The following DCLK1 variants were observed in gnomAD, a reference collection of about 807,000 sequenced individuals.
DCLK1 encodes the protein serine/threonine-protein kinase DCLK1.
DCLK1 carries 16 observed loss-of-function variants against 86.2 expected under a neutral mutation model. The ratio of observed to expected loss-of-function variants is 0.19; its 90% CI spans 0.13 to 0.28. The LOEUF is 0.28. DCLK1 is among the 10% of genes least tolerant of loss of function. The pLI, the probability that DCLK1 is intolerant of heterozygous loss-of-function variation, is 1.00. For missense variants in DCLK1, 590 were observed against 940.2 expected, an observed-to-expected ratio of 0.63 and a Z score of 4.87; for synonymous variants, 369 against 370.5, an observed-to-expected ratio of 1.00 and a Z score of 0.05.
chr13:35,909,452 C>T (rs1480650957), intron 4 of DCLK1, among the ~76,000 whole-genome samples: 2 of 152,118 alleles, frequency 1.3e-5, no homozygotes, highest in Non-Finnish European at 2.9e-5. Flanking sequence ...CTTACTTTGC[C>T]TCTCTAAGAC....
chr13:35,963,298 A>G (rs1371257678), intron 3 of DCLK1, among the ~76,000 whole-genome samples: 1 of 152,256 alleles, frequency 6.6e-6, no homozygotes, highest in Non-Finnish European at 1.5e-5. Flanking sequence ...CGCTTGAGAC[A>G]CTAAAAACCA....
intron 4 of DCLK1, among the ~76,000 whole-genome samples, chr13:35,934,540 C>T (rs1398365663): frequency 2.0e-5 from 3 of 152,178 alleles, no homozygotes; most frequent in Non-Finnish European, 4.4e-5. Context: ...GCAGAAACCC[C>T]TGGTAAAACC....
chr13:35,933,747 G>C (rs1209912016), intron 4 of DCLK1, among the ~76,000 whole-genome samples: 4 of 152,278 alleles, frequency 2.6e-5, no homozygotes, highest in Non-Finnish European at 5.9e-5. Context: ...TTCCTCCTAG[G>C]CCTCCAGGCT....
chr13:35,847,059 A>G, intron 6 of DCLK1: 1 of 985,214 alleles, frequency 1.0e-6, no homozygotes, highest in Non-Finnish European at 1.2e-6. Context: ...ATTGGCAACC[A>G]CTACAAGCCA....
At chr13:36,002,210 T>G (rs1880754587) in intron 3 of DCLK1, among the ~76,000 whole-genome samples, 1 of 152,176 alleles carries the variant, frequency 6.6e-6, no homozygotes, top group African/African-American at 2.4e-5. Flanking sequence ...TTAAGCCAAG[T>G]GAGGTGACAA....
intron 3 of DCLK1, among the ~76,000 whole-genome samples, chr13:35,994,108 C>CA (rs5802798): frequency 6.2e-4 from 90 of 145,178 alleles, no homozygotes; most frequent in African/African-American, 1.5e-3. Context: ...ATGCAGCTTC[C>CA]AAAAAAAAAA....
At chr13:36,045,340 A>C (rs1417271883) in intron 3 of DCLK1, among the ~76,000 whole-genome samples, 2 of 97,002 alleles carry the variant, frequency 2.1e-5, no homozygotes, top group Non-Finnish European at 3.9e-5. Context: ...GTGTATATAT[A>C]TATATATATA....
chr13:36,048,015 A>G (rs1363275902), intron 3 of DCLK1, among the ~76,000 whole-genome samples: 3 of 152,184 alleles, frequency 2.0e-5, no homozygotes, highest in Non-Finnish European at 4.4e-5. Context: ...AGTAAACTTT[A>G]AGTGTTCTCC....
chr13:36,111,963 G>A lies in DCLK1; in HGVS notation c.629C>T (p.Ala210Val), dbSNP rs746646195. 1 of 1,614,242 alleles carries A rather than the reference G, an allele frequency of 6.2e-7. No individual in the cohort carries two copies. The highest frequency in any genetic ancestry group is 2.2e-5 in the East Asian group (1 of 44,880). The change falls in exon 3 of 17, where the codon GCT (alanine) becomes GTT (valine). Residue 210 changes from alanine (A) to valine (V), a missense_variant. Physicochemically the swap from Ala to Val is moderately conservative, Grantham distance 64. Coordinates refer to ENST00000360631, the MANE Select transcript of DCLK1 (RefSeq NM_001330071.2). ...GGTGAGGACCTGCTCAAAGGAATGA[G>A]CCGTTTTCTTGTTCAGCAGAATCCT... ...AVRILLNKKTAHSFEQVLTDI... is the reference protein window; with the variant it reads ...AVRILLNKKTVHSFEQVLTDI...
chr13:36,000,607 A>T (rs1253981727), intron 3 of DCLK1, among the ~76,000 whole-genome samples: 1 of 152,200 alleles, frequency 6.6e-6, no homozygotes, highest in African/African-American at 2.4e-5. Flanking sequence ...CATCGAAAGC[A>T]ACCTAACTTC....
chr13:36,049,620 T>A (rs914439598), intron 3 of DCLK1, among the ~76,000 whole-genome samples: 2 of 152,198 alleles, frequency 1.3e-5, no homozygotes, highest in Admixed American at 1.3e-4. Flanking sequence ...CCCTTTTATA[T>A]GATCTTTTGT....
intron 6 of DCLK1, among the ~76,000 whole-genome samples, chr13:35,839,722 G>C (rs990566998): frequency 3.9e-5 from 6 of 152,250 alleles, no homozygotes; most frequent in African/African-American, 1.4e-4. Flanking sequence ...CACTGAGTAG[G>C]TTATTGGTTT....
At chr13:36,108,926 T>G (rs1483118668) in intron 3 of DCLK1, among the ~76,000 whole-genome samples, 3 of 152,152 alleles carry the variant, frequency 2.0e-5, no homozygotes, top group Non-Finnish European at 2.9e-5. Flanking sequence ...TGGCCAAGCG[T>G]TATTCCACAG....
chr13:35,936,657 C>T (rs2153130422), intron 4 of DCLK1, among the ~76,000 whole-genome samples: 1 of 152,300 alleles, frequency 6.6e-6, no homozygotes, highest in South Asian at 2.1e-4. Context: ...ATGTGTTTGA[C>T]TTTCACCCGA....
chr13:36,114,701 A>G (rs753341747), intron 2 of DCLK1, among the ~76,000 whole-genome samples: 1 of 152,236 alleles, frequency 6.6e-6, no homozygotes, highest in Non-Finnish European at 1.5e-5. Flanking sequence ...TCTCTGCCAC[A>G]AGAGATGTGG....
intron 5 of DCLK1, among the ~76,000 whole-genome samples, chr13:35,860,530 G>A (rs61949282): frequency 0.16 from 24,786 of 152,068 alleles, 2,291 homozygotes; most frequent in Admixed American, 0.22. Flanking sequence ...ATAATGGGAA[G>A]GAGGGGCCCC....
intron 3 of DCLK1, among the ~76,000 whole-genome samples, chr13:36,073,635 C>T (rs1050221253): frequency 3.9e-5 from 6 of 152,126 alleles, no homozygotes; most frequent in Non-Finnish European, 5.9e-5. Context: ...GGTTTAATTC[C>T]ATCACCACCT....
intron 4 of DCLK1, among the ~76,000 whole-genome samples, chr13:35,877,191 T>C (rs1872639331): frequency 6.6e-6 from 1 of 152,212 alleles, no homozygotes; most frequent in Non-Finnish European, 1.5e-5. Flanking sequence ...CATGAACTCC[T>C]GAAATGGGCA....
chr13:35,790,543 A>G (rs2086693074), intron 16 of DCLK1, among the ~76,000 whole-genome samples: 1 of 152,218 alleles, frequency 6.6e-6, no homozygotes, highest in South Asian at 2.1e-4. Context: ...GGCGGTTTAA[A>G]ATACATTATT....
Sources: gnomAD v4.1 joint callset for allele counts (sites outside exome capture counted in the v4.1 genomes callset) on GRCh38, gnomAD v4.1.1 for gene constraint, MANE v1.5 for transcripts, NCBI Gene and HGNC (gene_info 2026-07-23, HGNC 2026-07-21) for gene names.